RP1L1: variants seen among roughly 807,000 people sequenced by gnomAD.
RP1L1 encodes the protein retinitis pigmentosa 1-like 1 protein.
In RP1L1, 27 loss-of-function variants were observed where a neutral mutation model predicts 15.7. That is an observed-to-expected ratio of 1.72 (90% CI 1.27 to 2.38). RP1L1 has a LOEUF of 2.38. Ranked by LOEUF, RP1L1 falls within the 30% of genes most tolerant of loss-of-function variation. RP1L1 has a pLI of 0.00. For missense variants in RP1L1, 4,798 were observed against 3,075.9 expected (o/e 1.56, Z -13.24); for synonymous variants, 1,813 against 1,276.7 (o/e 1.42, Z -8.96).
At chr8:10,648,322 G>A (rs765299875) in intron 1 of RP1L1, among the ~76,000 whole-genome samples, 5 of 152,036 alleles carry the variant, frequency 3.3e-5, no homozygotes, top group East Asian at 1.9e-4. Flanking sequence ...GTGAGCCACC[G>A]CACCTGGCCA....
intron 1 of RP1L1, among the ~76,000 whole-genome samples, chr8:10,637,774 G>C (rs974861842): frequency 1.3e-5 from 2 of 152,224 alleles, no homozygotes; most frequent in Non-Finnish European, 1.5e-5. Flanking sequence ...GGTTGAGACA[G>C]GAGGGGAAAG....
intron 1 of RP1L1, among the ~76,000 whole-genome samples, chr8:10,646,018 C>T (rs1364256474): frequency 1.3e-5 from 2 of 152,238 alleles, no homozygotes; most frequent in African/African-American, 4.8e-5. Context: ...CAGACTGAGC[C>T]TCCCGCTGGT....
rs772719903 is a variant in RP1L1, at chr8:10,622,814, G to T, written c.388C>A (p.Arg130=). The part of the protein sequence containing the change: ...QERNPTAQQL[R]DVEGQREAPG... ...GCTTCACGCTGGCCTTCGACATCCC[G>T]CAACTGCTGAGCAGTGGGGTTTCTC... The change falls in exon 2 of 4, where the codon CGG becomes AGG. Residue 130 remains arginine (R), a synonymous_variant. Transcript: ENST00000382483. The T allele has an allele frequency of 1.2e-6, 2 of 1,613,588 alleles. No individual in the cohort carries two copies. Among genetic ancestry groups the T allele is most frequent in the Non-Finnish European group, 1.7e-6 (2 of 1,179,820 alleles).
chr8:10,631,418 C>T (rs1798250556), intron 1 of RP1L1, among the ~76,000 whole-genome samples: 1 of 149,940 alleles, frequency 6.7e-6, no homozygotes, highest in African/African-American at 2.5e-5. Flanking sequence ...CACACACGCA[C>T]ACACACATGC....
intron 1 of RP1L1, among the ~76,000 whole-genome samples, chr8:10,631,325 ACACACACATGCACACACACG>A (rs1187740713): frequency 1.8e-5 from 1 of 55,428 alleles, no homozygotes; most frequent in Admixed American, 1.9e-4. Flanking sequence ...GCACACACGC[ACACACACATGCACACACACG>A]CACACACATG....
In RP1L1 at chr8:10,614,472, C is replaced by T. The variant is rs373309516; in HGVS notation, c.752-1126G>A. Among the ~76,000 whole-genome samples, 94 of 152,058 alleles carry T rather than the reference C, an allele frequency of 6.2e-4. 1 individual carries two copies. The East Asian group carries it at 0.017, about 27-fold the overall frequency. ...GTCAGGAGTTCAAGACCAGCCTGGCCAACATGGGGAAACCCCATCTCTACT... is the reference window on the plus strand; with the variant it reads ...GTCAGGAGTTCAAGACCAGCCTGGCTAACATGGGGAAACCCCATCTCTACT... On this transcript the variant is annotated intron_variant, in intron 3 of 3. Transcript: ENST00000382483.
intron 3 of RP1L1, 81 bp downstream of exon 3, chr8:10,616,365 T>C (rs1797964738): frequency 9.5e-6 from 15 of 1,586,704 alleles, no homozygotes; most frequent in Non-Finnish European, 1.3e-5. Context: ...TTTCCTGAAT[T>C]ACCTGGAAGG....
At position 10,612,759 on chromosome 8, in the gene RP1L1, T is replaced by C. The variant is rs369019643; in HGVS notation, c.1339A>G (p.Arg447Gly). ...LWGHGTAGRE[R>G]CSQDSASPAS... ...GGGCTGGCACTGTCCTGGCTGCATC[T>C]CTCCCTCCCGGCAGTCCCGTGGCCC... Residue 447 changes from arginine (R) to glycine (G), a missense_variant, in exon 4 of 4, where the codon AGA becomes GGA. Transcript: ENST00000382483. The C allele has an allele frequency of 3.7e-6, 6 of 1,608,494 alleles. No homozygotes were observed. The African/African-American group carries it at 8.0e-5, about 21-fold the overall frequency.
At position 10,606,818 on chromosome 8, in the gene RP1L1, G is replaced by T. The variant is rs767108680; in HGVS notation, c.*77C>A. On this transcript the variant is annotated 3_prime_UTR_variant, in exon 4 of 4. Coordinates refer to ENST00000382483, the MANE Select transcript of RP1L1 (RefSeq NM_178857.6). ...TATGGACATCTCCAGTGGACTGAAC[G>T]TTGCTCAGTTTTGTAGAAAAAATAT... is the stretch of plus-strand genomic sequence containing the variant. The T allele has an allele frequency of 1.3e-5, 21 of 1,602,872 alleles. No individual in the cohort carries two copies. Among genetic ancestry groups the T allele is most frequent in the African/African-American group, 5.3e-5 (4 of 74,794 alleles).
intron 2 of RP1L1, 108 bp from the exon 3 acceptor site, chr8:10,616,695 C>A (rs1797971984): frequency 4.8e-6 from 6 of 1,262,804 alleles, no homozygotes; most frequent in Non-Finnish European, 6.4e-6. Context: ...CTGATTTCTG[C>A]ACATCTCACC....
At chr8:10,617,791 C>A (rs886142990) in intron 2 of RP1L1, among the ~76,000 whole-genome samples, 1 of 151,996 alleles carries the variant, frequency 6.6e-6, no homozygotes, top group Non-Finnish European at 1.5e-5. Flanking sequence ...CTCCTGACCT[C>A]GTGATCCGCC....
Position 10,610,979 on chromosome 8 carries a change from T to G in RP1L1, c.3119A>C (p.Glu1040Ala), listed in dbSNP as rs766384398. The G allele has an allele frequency of 2.5e-6, 4 of 1,612,368 alleles. No individual in the cohort carries two copies. The African/African-American group carries it at 5.3e-5, about 22-fold the overall frequency. Residue 1040 changes from glutamate to alanine, a missense_variant, in exon 4 of 4, where the codon GAG becomes GCG. Physicochemically the swap from Glu to Ala is moderately radical, Grantham distance 107. Coordinates refer to ENST00000382483, the MANE Select transcript of RP1L1 (RefSeq NM_178857.6). ...GSSDTGPQSG[E>A]GVPQGAAPEG... The stretch of plus-strand genomic sequence containing the variant: ...TGGAGCTGCCCCTTGGGGGACACCC[T>G]CTCCTGATTGGGGACCAGTGTCACT...
rs758304327 is a variant in RP1L1, at chr8:10,611,017, G to T, written c.3081C>A (p.Ala1027=). 4 of 1,612,626 alleles carry T rather than the reference G, an allele frequency of 2.5e-6. No homozygotes were observed. In the African/African-American group the frequency reaches 4.0e-5, roughly 16 times the overall value. The part of the protein sequence containing the change: ...DPGQDPEPEG[A]LLGSSDTGPQ... ...GACCAGTGTCACTACTCCCCAGGAGGGCTCCCTCTGGCTCTGGGTCCTGGC... is the reference window on the plus strand; with the variant it reads ...GACCAGTGTCACTACTCCCCAGGAGTGCTCCCTCTGGCTCTGGGTCCTGGC... Residue 1027 remains alanine (A), a synonymous_variant, in exon 4 of 4, where the codon GCC becomes GCA. Coordinates refer to ENST00000382483, the MANE Select transcript of RP1L1 (RefSeq NM_178857.6).
In RP1L1 at chr8:10,611,191, T is replaced by C. The variant is rs368608184; in HGVS notation, c.2907A>G (p.Ile969Met). Residue 969 changes from isoleucine (I) to methionine (M), a missense_variant, in exon 4 of 4, where the codon ATA becomes ATG. Ile to Met is a conservative substitution (Grantham distance 10). Transcript: ENST00000382483. ...EWLDNIPEEP[I>M]LMTYELADET... ...CGTCCGCCAACTCATATGTCATGAG[T>C]ATGGGCTCTTCTGGAATGTTGTCCA... 22 of 1,612,758 alleles carry C rather than the reference T, an allele frequency of 1.4e-5. No homozygotes were observed. The African/African-American group carries it at 2.7e-4, about 20-fold the overall frequency.
intron 1 of RP1L1, among the ~76,000 whole-genome samples, chr8:10,635,219 A>C (rs1037398304): frequency 6.6e-6 from 1 of 152,162 alleles, no homozygotes; most frequent in African/African-American, 2.4e-5. Context: ...CCCCTCTGGA[A>C]ACTGGGGGAG....
rs374472422 is a variant in RP1L1 at position 10,609,703 on chromosome 8, G to A, written c.4395C>T (p.Ser1465=). Residue 1465 remains serine, a synonymous_variant, in exon 4 of 4, where the codon AGC becomes AGT. Coordinates refer to ENST00000382483, the MANE Select transcript of RP1L1 (RefSeq NM_178857.6). The part of the protein sequence containing the change: ...SHLSETDPSA[S]ERQSGSQLEP... Reference sequence around the variant, plus strand: ...CAAGCTGGGAGCCACTCTGCCTCTCGCTGGCACTTGGGTCCGTCTCGCTGA... The same window carrying A: ...CAAGCTGGGAGCCACTCTGCCTCTCACTGGCACTTGGGTCCGTCTCGCTGA... 37 of 1,612,844 alleles carry A rather than the reference G, an allele frequency of 2.3e-5. No homozygotes were observed. Among genetic ancestry groups the A allele is most frequent in the East Asian group, 4.5e-5 (2 of 44,876 alleles).
At chr8:10,615,124 G>C (rs1037152713) in intron 3 of RP1L1, among the ~76,000 whole-genome samples, 1 of 152,098 alleles carries the variant, frequency 6.6e-6, no homozygotes, top group Non-Finnish European at 1.5e-5. Flanking sequence ...AGAGTAAACT[G>C]TCCTTGTGCC....
Position 10,608,432 on chromosome 8 carries a change from T to A in RP1L1, c.5666A>T (p.Asp1889Val), listed in dbSNP as rs28446662. The change falls in exon 4 of 4, where the codon GAT becomes GTT. Residue 1889 changes from aspartate to valine, a missense_variant. Physicochemically the swap from Asp to Val is radical, Grantham distance 152. Coordinates refer to ENST00000382483, the MANE Select transcript of RP1L1 (RefSeq NM_178857.6). ...CCATTCTGCCTCTGGGGTCTCTACA[T>A]CTTCTGACTCTGGCTGGGCCTCTCC... ...AEGEAQPESE[D>V]VETPEAEWEV... 0.22 allele frequency: 357,850 copies of A among 1,608,600 alleles called. 43,140 individuals are homozygous for A. Among genetic ancestry groups the A allele is most frequent in the Admixed American group, 0.41 (24,245 of 59,678 alleles).
At chr8:10,650,595 C>T (rs1798544745) in intron 1 of RP1L1, among the ~76,000 whole-genome samples, 2 of 150,074 alleles carry the variant, frequency 1.3e-5, no homozygotes, top group Admixed American at 6.7e-5. Context: ...CTCGCTCTGT[C>T]GTCCAGGCTG....
Sources: allele counts gnomAD v4.1 joint callset (sites outside exome capture counted in the v4.1 genomes callset), GRCh38; gene constraint gnomAD v4.1.1; transcripts MANE v1.5; gene names NCBI Gene and HGNC (gene_info 2026-07-23, HGNC 2026-07-21).